The following SLC16A9 variants were observed in gnomAD, a reference collection of about 807,000 sequenced individuals.
The protein encoded by SLC16A9 is monocarboxylate transporter 9.
In SLC16A9, 26 loss-of-function variants were observed where a neutral mutation model predicts 44.3. The observed-to-expected ratio is 0.59, with a 90% CI of 0.43 to 0.81. The LOEUF (loss-of-function observed/expected upper bound fraction) is 0.81, where lower values mean the gene tolerates loss of function less well. SLC16A9 is among the 40% of genes least tolerant of loss of function. SLC16A9 has a pLI of 0.00. For missense variants in SLC16A9, 559 were observed against 595.8 expected, an observed-to-expected ratio of 0.94 and a Z score of 0.64; for synonymous variants, 230 against 225.1, an observed-to-expected ratio of 1.02 and a Z score of -0.19.
At chr10:59,701,827 T>A (rs1047538897) in intron 1 of SLC16A9, among the ~76,000 whole-genome samples, 1 of 152,190 alleles carries the variant, frequency 6.6e-6, no homozygotes, top group African/African-American at 2.4e-5. Context: ...TGGAATGCCT[T>A]TCTCCAATTC....
chr10:59,653,544 A>G, intron 5 of SLC16A9, 131 bp downstream of exon 5: 1 of 705,050 alleles, frequency 1.4e-6, no homozygotes, highest in Non-Finnish European at 2.3e-6. Flanking sequence ...TGAATAAATC[A>G]TTACCATGAG....
intron 2 of SLC16A9, among the ~76,000 whole-genome samples, chr10:59,679,030 G>C (rs1839929168): frequency 1.3e-5 from 2 of 152,106 alleles, no homozygotes; most frequent in African/African-American, 2.4e-5. Context: ...ATATTAACAT[G>C]GTGATGCGTT....
rs979420471 is a variant in SLC16A9 at position 59,650,771 on chromosome 10, C to T, written c.*2001G>A. On this transcript the variant is annotated 3_prime_UTR_variant, in exon 6 of 6. Transcript: ENST00000395348. ...AAAAAGCAACCAAACTGATGCAAAACAAAGAAAAATATTTTATTGTAACTT... is the reference window on the plus strand; with the variant it reads ...AAAAAGCAACCAAACTGATGCAAAATAAAGAAAAATATTTTATTGTAACTT... The T allele has an allele frequency of 5.3e-5, 8 of 152,088 alleles. No individual in the cohort carries two copies. The highest frequency in any genetic ancestry group is 1.9e-4 in the African/African-American group (8 of 41,422). The allele number at this position is 152,088 out of a possible 1,614,324, so 9.4% of individuals were successfully genotyped here. A position where few individuals can be genotyped will look rare whatever the true frequency, so the allele number is the denominator to read the frequency against.
At chr10:59,674,781 G>A (rs1383079934) in intron 2 of SLC16A9, among the ~76,000 whole-genome samples, 1 of 152,144 alleles carries the variant, frequency 6.6e-6, no homozygotes, top group African/African-American at 2.4e-5. Flanking sequence ...AAAGTTTCAA[G>A]TTTCATCCTC....
chr10:59,702,809 A>G (rs1840553585), intron 1 of SLC16A9, among the ~76,000 whole-genome samples: 2 of 152,244 alleles, frequency 1.3e-5, no homozygotes, highest in African/African-American at 4.8e-5. Flanking sequence ...ATTAACTTCT[A>G]CAAGTCAAAC....
chr10:59,693,465 TA>T (rs1476774487), intron 1 of SLC16A9, among the ~76,000 whole-genome samples: 2 of 152,218 alleles, frequency 1.3e-5, no homozygotes, highest in African/African-American at 2.4e-5. Context: ...GTTGTGCTTC[TA>T]AAGTATTAAA....
intron 3 of SLC16A9, among the ~76,000 whole-genome samples, chr10:59,665,542 A>C (rs1839590009): frequency 6.6e-6 from 1 of 152,188 alleles, no homozygotes; most frequent in South Asian, 2.1e-4. Flanking sequence ...GTGCCCTTTT[A>C]TGTCATTTAT....
intron 4 of SLC16A9, among the ~76,000 whole-genome samples, chr10:59,658,632 T>A (rs1317717775): frequency 6.6e-6 from 1 of 152,188 alleles, no homozygotes; most frequent in Non-Finnish European, 1.5e-5. Flanking sequence ...ACTCTTACAG[T>A]CCTTCCCACA....
chr10:59,666,315 GA>G (rs1839616761), intron 3 of SLC16A9, among the ~76,000 whole-genome samples: 1 of 142,412 alleles, frequency 7.0e-6, no homozygotes, highest in South Asian at 2.2e-4. Flanking sequence ...AAAAAAAAAA[GA>G]AAAGAAAGCA....
At chr10:59,696,280 T>G (rs1840371828) in intron 1 of SLC16A9, among the ~76,000 whole-genome samples, 1 of 152,210 alleles carries the variant, frequency 6.6e-6, no homozygotes. Flanking sequence ...GTTTTCGTAT[T>G]TTTTTGGTGG....
rs1588956024 is a variant in SLC16A9 at position 59,652,596 on chromosome 10, G to A, written c.*176C>T. On this transcript the variant is annotated 3_prime_UTR_variant, in exon 6 of 6. Coordinates refer to ENST00000395348, the MANE Select transcript of SLC16A9 (RefSeq NM_194298.3). ...GAAAAAAATACGAGATAGAGGCTACGCATACACTACATAAAAAATAGGATA... is the reference window on the plus strand; with the variant it reads ...GAAAAAAATACGAGATAGAGGCTACACATACACTACATAAAAAATAGGATA... 1.6e-5 allele frequency: 9 copies of A among 551,970 alleles called. No homozygotes were observed. The highest frequency in any genetic ancestry group is 6.2e-5 in the East Asian group (2 of 32,076). 34.2% of individuals were successfully genotyped at this position (551,970 alleles called of 1,614,324 possible). A position where few individuals can be genotyped will look rare whatever the true frequency, so the allele number is the denominator to read the frequency against.
intron 4 of SLC16A9, among the ~76,000 whole-genome samples, chr10:59,657,649 A>C (rs558221004): frequency 4.6e-5 from 7 of 152,212 alleles, no homozygotes; most frequent in Non-Finnish European, 1.0e-4. Context: ...ATCATCTGTC[A>C]CAGCATGCAA....
At chr10:59,662,633 CAAAAA>C (rs71006278) in intron 4 of SLC16A9, among the ~76,000 whole-genome samples, 4 of 43,632 alleles carry the variant, frequency 9.2e-5, no homozygotes, top group African/African-American at 1.9e-4. Flanking sequence ...AACTCCATCT[CAAAAA>C]AAAAAAAAAA....
At chr10:59,671,987 T>A (rs1839761134) in intron 3 of SLC16A9, among the ~76,000 whole-genome samples, 1 of 152,164 alleles carries the variant, frequency 6.6e-6, no homozygotes, top group Non-Finnish European at 1.5e-5. Flanking sequence ...GAGAAATATT[T>A]CCAGGCAGAA....
Position 59,652,819 on chromosome 10 carries a change from TGG to T in SLC16A9, c.1481_1482del (p.Pro494GlnfsTer14), listed in dbSNP as rs766261497. The T allele has an allele frequency of 5.0e-6, 8 of 1,613,864 alleles. No homozygotes were observed. Among genetic ancestry groups the T allele is most frequent in the Non-Finnish European group, 6.8e-6 (8 of 1,179,892 alleles). ...PSWDTCNKQLPKPAPTTFLYK... is the reference protein window; with the variant it reads ...PSWDTCNKQLXKPAPTTFLYK... ...TACAAGAAAGTTGTTGGAGCTGGCT[TGG>T]GGAGTTGCTTGTTGCATGTATCCCA... is the stretch of plus-strand genomic sequence containing the variant. On this transcript the variant is annotated frameshift_variant, in exon 6 of 6. Transcript: ENST00000395348. LOFTEE classifies it high-confidence loss of function.
intron 1 of SLC16A9, among the ~76,000 whole-genome samples, chr10:59,696,814 G>T (rs1171634): frequency 0.28 from 41,479 of 150,090 alleles, 6,426 homozygotes; most frequent in East Asian, 0.62. Flanking sequence ...GAAGTGAGAA[G>T]CCCCTCCGCC....
intron 4 of SLC16A9, among the ~76,000 whole-genome samples, chr10:59,659,004 A>G (rs543881141): frequency 1.3e-5 from 2 of 152,334 alleles, no homozygotes; most frequent in Middle Eastern, 3.4e-3. Flanking sequence ...GTAAATTTAC[A>G]ACTTTTGATA....
intron 1 of SLC16A9, among the ~76,000 whole-genome samples, chr10:59,688,613 ATCTT>A (rs1275193082): frequency 6.6e-6 from 1 of 152,032 alleles, no homozygotes; most frequent in Non-Finnish European, 1.5e-5. Context: ...TGCAATTCTG[ATCTT>A]TCTAATGACA....
intron 3 of SLC16A9, among the ~76,000 whole-genome samples, chr10:59,672,553 A>G (rs1419379038): frequency 2.6e-5 from 4 of 152,236 alleles, no homozygotes; most frequent in African/African-American, 7.2e-5. Flanking sequence ...GTGCCTTGCA[A>G]GGAGACAGAG....
Sources: gnomAD v4.1 joint callset for allele counts (sites outside exome capture counted in the v4.1 genomes callset) on GRCh38, gnomAD v4.1.1 for gene constraint, MANE v1.5 for transcripts, NCBI Gene and HGNC (gene_info 2026-07-23, HGNC 2026-07-21) for gene names.